PICALM: variants seen among roughly 807,000 people sequenced by gnomAD.
The protein encoded by PICALM is phosphatidylinositol-binding clathrin assembly protein.
A neutral mutation model predicts 80.5 loss-of-function variants in PICALM; 40 were observed. The observed-to-expected ratio is 0.50, with a 90% CI of 0.39 to 0.65. The LOEUF (loss-of-function observed/expected upper bound fraction) is 0.65, where lower values mean the gene tolerates loss of function less well. Among genes scored for constraint, PICALM ranks in the 30% least tolerant of loss-of-function variants. The probability of loss-of-function intolerance (pLI) is 0.00; values close to 1 mark genes in which losing one functional copy is unlikely to be tolerated. For missense variants in PICALM, 676 were observed against 778.9 expected, an observed-to-expected ratio of 0.87 and a Z score of 1.57; for synonymous variants, 288 against 260.3, an observed-to-expected ratio of 1.11 and a Z score of -1.02.
At chr11:86,000,557 A>G in intron 11 of PICALM, 86 bp downstream of exon 11, 1 of 1,050,822 alleles carries the variant, frequency 9.5e-7, no homozygotes, top group Non-Finnish European at 1.4e-6. Flanking sequence ...AGCATAAATA[A>G]AAGTAAACCT....
chr11:86,019,670 GAAAC>G (rs2095534788), intron 4 of PICALM, among the ~76,000 whole-genome samples: 2 of 152,130 alleles, frequency 1.3e-5, no homozygotes, highest in African/African-American at 4.8e-5. Flanking sequence ...TTAAATATAT[GAAAC>G]AAAATCTGTA....
At chr11:86,007,006 A>G (rs1050036909) in intron 8 of PICALM, among the ~76,000 whole-genome samples, 1 of 152,160 alleles carries the variant, frequency 6.6e-6, no homozygotes, top group African/African-American at 2.4e-5. Flanking sequence ...ATGAAACTGA[A>G]GAATAGAAAG....
intron 1 of PICALM, among the ~76,000 whole-genome samples, chr11:86,064,062 G>A (rs1286153904): frequency 6.6e-6 from 1 of 152,154 alleles, no homozygotes; most frequent in Admixed American, 6.6e-5. Flanking sequence ...AACCATTTGT[G>A]CTTTAAAAGG....
intron 1 of PICALM, among the ~76,000 whole-genome samples, chr11:86,032,300 G>C (rs1456810128): frequency 2.0e-5 from 3 of 152,158 alleles, no homozygotes; most frequent in African/African-American, 7.2e-5. Flanking sequence ...ATCTGTTTAA[G>C]AGATATTATT....
At chr11:85,993,593 C>T (rs917693022) in intron 12 of PICALM, among the ~76,000 whole-genome samples, 8 of 149,740 alleles carry the variant, frequency 5.3e-5, no homozygotes, top group Non-Finnish European at 9.0e-5. Context: ...TGCACACCAC[C>T]ACACCCAGCT....
intron 1 of PICALM, among the ~76,000 whole-genome samples, chr11:86,036,957 A>AAAAAAAAT (rs1555119256): frequency 9.3e-5 from 14 of 149,864 alleles, no homozygotes; most frequent in African/African-American, 3.4e-4. Flanking sequence ...AAAAAAAAAA[A>AAAAAAAAT]TTTTTTTTGA....
intron 19 of PICALM, chr11:85,960,680 G>T (rs757566618): frequency 1.6e-6 from 2 of 1,286,408 alleles, no homozygotes; most frequent in South Asian, 1.2e-5. Flanking sequence ...AATACCTAAA[G>T]TGATTTATAA....
chr11:86,027,419 T>C (rs1011035297), intron 2 of PICALM, among the ~76,000 whole-genome samples: 6 of 152,136 alleles, frequency 3.9e-5, no homozygotes, highest in African/African-American at 1.4e-4. Context: ...AGGATTACTT[T>C]ACTTTCTTCT....
chr11:86,005,530 C>G (rs899787158), intron 8 of PICALM, among the ~76,000 whole-genome samples: 3 of 151,858 alleles, frequency 2.0e-5, no homozygotes, highest in Admixed American at 6.6e-5. Context: ...ATAGGGAGAC[C>G]CTGTCTCCAC....
intron 19 of PICALM, chr11:85,969,787 A>G: frequency 1.4e-5 from 3 of 208,318 alleles, no homozygotes; most frequent in Non-Finnish European, 3.0e-5. Flanking sequence ...CCAAAGTGCT[A>G]GTATTACAGA....
chr11:86,044,686 G>A (rs527380888), intron 1 of PICALM, among the ~76,000 whole-genome samples: 2 of 152,322 alleles, frequency 1.3e-5, no homozygotes, highest in South Asian at 2.1e-4. Context: ...GACCTGTTAG[G>A]AACTGGGCCA....
intron 13 of PICALM, among the ~76,000 whole-genome samples, chr11:85,988,801 T>C (rs1419316843): frequency 2.6e-5 from 4 of 152,168 alleles, no homozygotes; most frequent in African/African-American, 9.6e-5. Flanking sequence ...AAAAAAGAAC[T>C]TAAGGCTCCA....
At position 85,981,764 on chromosome 11, in the gene PICALM, C is replaced by A; in HGVS notation, c.1660G>T (p.Gly554Ter). 1 of 1,612,110 alleles carries A rather than the reference C, an allele frequency of 6.2e-7. No homozygotes were observed. ...ACTCACTTCTTAGTGGTTCCATTTC[C>A]GATGCCAAGATCTAGGAAAGGAGAA... is the stretch of plus-strand genomic sequence containing the variant. The part of the protein sequence containing the change: ...LANLVGNLGI[G>*]NGTTKNDVNW... The change falls in exon 16 of 20, where the codon GGA (glycine) becomes TGA (stop). Residue 554 changes from glycine to a stop codon, truncating the protein, a stop_gained. Transcript: ENST00000393346. LOFTEE classifies it high-confidence loss of function.
chr11:85,977,112 T>C (rs2094306558), intron 17 of PICALM: 1 of 153,302 alleles, frequency 6.5e-6, no homozygotes, highest in Non-Finnish European at 1.5e-5. Context: ...GAAAAAAATG[T>C]AAAGATCTCA....
chr11:85,969,478 G>C (rs1021719151), intron 19 of PICALM, among the ~76,000 whole-genome samples: 2 of 152,112 alleles, frequency 1.3e-5, no homozygotes, highest in African/African-American at 2.4e-5. Context: ...AGAGATGGAT[G>C]ATCTCTGCCC....
At chr11:85,982,869 A>T (rs932534969) in intron 14 of PICALM, among the ~76,000 whole-genome samples, 1 of 152,172 alleles carries the variant, frequency 6.6e-6, no homozygotes, top group African/African-American at 2.4e-5. Context: ...TCCTCACCAA[A>T]TTATAGAAAA....
At chr11:86,068,626 G>T in intron 1 of PICALM, 25 bp downstream of exon 1, 2 of 1,595,004 alleles carry the variant, frequency 1.3e-6, no homozygotes, top group Non-Finnish European at 1.7e-6. Flanking sequence ...GCCGGGGAGC[G>T]GGGGCCGCGG....
chr11:86,029,059 G>A (rs532212283), intron 2 of PICALM, among the ~76,000 whole-genome samples: 5 of 152,052 alleles, frequency 3.3e-5, no homozygotes, highest in East Asian at 3.9e-4. Flanking sequence ...CACTGGTCTC[G>A]AACTTGCGAC....
At position 86,034,863 on chromosome 11, in the gene PICALM, C is replaced by T. The variant is rs937466114; in HGVS notation, c.131-3252G>A. On this transcript the variant is annotated intron_variant, in intron 1 of 19. Transcript: ENST00000393346. ...AAACACAAATGCTCTTTTATTATTTCATATGCTCTTTCAACAAACAATGAC... is the reference window on the plus strand; with the variant it reads ...AAACACAAATGCTCTTTTATTATTTTATATGCTCTTTCAACAAACAATGAC... Among the ~76,000 whole-genome samples, 4 of 152,180 alleles carry T rather than the reference C, an allele frequency of 2.6e-5. No homozygotes were observed. The East Asian group carries it at 7.7e-4, about 29-fold the overall frequency.
Sources: gnomAD v4.1 joint callset for allele counts (sites outside exome capture counted in the v4.1 genomes callset) on GRCh38, gnomAD v4.1.1 for gene constraint, MANE v1.5 for transcripts, NCBI Gene and HGNC (gene_info 2026-07-23, HGNC 2026-07-21) for gene names.